The following FAM168B variants were observed in gnomAD, a reference collection of about 807,000 sequenced individuals.
The protein encoded by FAM168B is myelin-associated neurite-outgrowth inhibitor.
A neutral mutation model predicts 21.8 loss-of-function variants in FAM168B; 19 were observed. The ratio of observed to expected loss-of-function variants is 0.87; its 90% CI spans 0.61 to 1.28. The LOEUF (loss-of-function observed/expected upper bound fraction) is 1.28. Among genes scored for constraint, FAM168B ranks in the 50% most tolerant of loss-of-function variants. FAM168B has a pLI of 0.00. For synonymous variants in FAM168B, 126 were observed against 104.8 expected, an observed-to-expected ratio of 1.20 and a Z score of -1.24; for missense variants, 233 against 263.1, an observed-to-expected ratio of 0.89 and a Z score of 0.79.
chr2:131,088,666 A>G (rs1283170016), intron 1 of FAM168B, among the ~76,000 whole-genome samples: 1 of 152,216 alleles, frequency 6.6e-6, no homozygotes, highest in East Asian at 1.9e-4. Context: ...AAGTATATAA[A>G]GTCGAAAATG....
At chr2:131,090,603 T>C (rs759063928) in intron 1 of FAM168B, among the ~76,000 whole-genome samples, 12 of 152,002 alleles carry the variant, frequency 7.9e-5, no homozygotes, top group African/African-American at 2.7e-4. Context: ...TGGTGGCAAG[T>C]GCCTGTAACA....
At chr2:131,054,689 A>G (rs1471072091) in intron 5 of FAM168B, among the ~76,000 whole-genome samples, 2 of 152,154 alleles carry the variant, frequency 1.3e-5, no homozygotes, top group Admixed American at 1.3e-4. Flanking sequence ...CCCAATCCCT[A>G]GACATCAGAT....
chr2:131,056,428 G>A (rs557061242), intron 3 of FAM168B, among the ~76,000 whole-genome samples: 21 of 152,306 alleles, frequency 1.4e-4, no homozygotes, highest in African/African-American at 3.8e-4. Flanking sequence ...AGCCAGCAGC[G>A]AGGAGCAGCT....
chr2:131,053,607 G>A (rs182861796), intron 5 of FAM168B, among the ~76,000 whole-genome samples: 10 of 152,274 alleles, frequency 6.6e-5, no homozygotes, highest in Admixed American at 5.9e-4. Flanking sequence ...CTGGGCACAG[G>A]GGCTCATGTC....
chr2:131,090,684 A>G (rs1159938593), intron 1 of FAM168B, among the ~76,000 whole-genome samples: 1 of 152,148 alleles, frequency 6.6e-6, no homozygotes, highest in East Asian at 1.9e-4. Context: ...TGGGCGATAT[A>G]GTGAGACTCC....
At chr2:131,061,692 G>C (rs1386572977) in intron 3 of FAM168B, among the ~76,000 whole-genome samples, 9 of 151,964 alleles carry the variant, frequency 5.9e-5, no homozygotes, top group African/African-American at 1.2e-4. Flanking sequence ...TGAGGTGGGA[G>C]AATCAGCTGA....
chr2:131,067,985 G>GCTGTAA (rs911190038), intron 3 of FAM168B, among the ~76,000 whole-genome samples: 5 of 152,028 alleles, frequency 3.3e-5, no homozygotes, highest in Non-Finnish European at 7.4e-5. Flanking sequence ...GCAGAAAAAG[G>GCTGTAA]CTGTAACTGT....
chr2:131,064,098 A>G (rs1356863177), intron 3 of FAM168B, among the ~76,000 whole-genome samples: 2 of 152,148 alleles, frequency 1.3e-5, no homozygotes, highest in Non-Finnish European at 2.9e-5. Context: ...GGCGCAGACA[A>G]CAGACGCTCC....
intron 5 of FAM168B, among the ~76,000 whole-genome samples, 181 bp from the exon 6 acceptor site, chr2:131,053,196 C>T (rs966664722): frequency 6.6e-6 from 1 of 152,232 alleles, no homozygotes; most frequent in Non-Finnish European, 1.5e-5. Flanking sequence ...GTTGTCTCCA[C>T]ACAGCAAGCT....
chr2:131,090,250 C>A (rs945442089), intron 1 of FAM168B, among the ~76,000 whole-genome samples: 1 of 148,168 alleles, frequency 6.7e-6, no homozygotes, highest in South Asian at 2.1e-4. Flanking sequence ...ACCCAGGAGG[C>A]TGAGCTTGCA....
rs1389653579 is a variant in FAM168B, at chr2:131,055,349, G to T, written c.398C>A (p.Pro133His). The change falls in exon 5 of 7, where the codon CCT becomes CAT. Residue 133 changes from proline to histidine, a missense_variant. Coordinates refer to ENST00000389915, the MANE Select transcript of FAM168B (RefSeq NM_001009993.4). ...GCCTCTAGGAGGGGGGATGGGAGCAGGGTACACCGTTGCAGGCATGCCGTT... is the reference window on the plus strand; with the variant it reads ...GCCTCTAGGAGGGGGGATGGGAGCATGGTACACCGTTGCAGGCATGCCGTT... ...QPNGMPATVY[P>H]APIPPPRGNG... The T allele has an allele frequency of 1.3e-6, 2 of 1,595,072 alleles. No homozygotes were observed. Among genetic ancestry groups the T allele is most frequent in the Non-Finnish European group, 1.7e-6 (2 of 1,174,874 alleles).
intron 5 of FAM168B, among the ~76,000 whole-genome samples, chr2:131,053,749 C>G (rs1001187011): frequency 6.6e-6 from 1 of 152,018 alleles, no homozygotes; most frequent in Non-Finnish European, 1.5e-5. Flanking sequence ...TGGTAGCATA[C>G]TTATAGTCCC....
rs538364411 is a variant in FAM168B at position 131,051,674 on chromosome 2, C to T, written c.*791G>A. On this transcript the variant is annotated 3_prime_UTR_variant, in exon 7 of 7. Coordinates refer to ENST00000389915, the MANE Select transcript of FAM168B (RefSeq NM_001009993.4). ...AGAACTGTAATGAAAATTTAGATAG[C>T]AGAGAAACTGCTTTGCTGACACATA... 9.1e-6 allele frequency: 9 copies of T among 985,198 alleles called. No individual in the cohort carries two copies. The highest frequency in any genetic ancestry group is 1.7e-5 in the African/African-American group (1 of 57,284). 61.0% of individuals were successfully genotyped at this position (985,198 alleles called of 1,614,324 possible).
chr2:131,067,074 C>A (rs934906967), intron 3 of FAM168B, among the ~76,000 whole-genome samples: 8 of 152,046 alleles, frequency 5.3e-5, no homozygotes, highest in African/African-American at 1.9e-4. Flanking sequence ...AAAAATCCAC[C>A]CCCATGATTC....
intron 3 of FAM168B, among the ~76,000 whole-genome samples, chr2:131,068,954 T>C (rs1692714133): frequency 6.6e-6 from 1 of 152,164 alleles, no homozygotes; most frequent in African/African-American, 2.4e-5. Context: ...AAGTCGAGGC[T>C]GCAGTGAGGC....
chr2:131,092,295 C>T (rs1026116358), intron 1 of FAM168B, among the ~76,000 whole-genome samples: 1 of 152,242 alleles, frequency 6.6e-6, no homozygotes, highest in Admixed American at 6.5e-5. Flanking sequence ...TTCTGCAACA[C>T]TAGCTTCAAA....
chr2:131,055,956 C>T (rs1211892574), intron 3 of FAM168B, among the ~76,000 whole-genome samples: 1 of 152,212 alleles, frequency 6.6e-6, no homozygotes, highest in Non-Finnish European at 1.5e-5. Flanking sequence ...ATGGAATGCT[C>T]ACACAAGGAC....
intron 2 of FAM168B, among the ~76,000 whole-genome samples, chr2:131,072,802 T>C (rs898760786): frequency 6.6e-5 from 10 of 152,138 alleles, no homozygotes; most frequent in African/African-American, 2.2e-4. Context: ...TCTAATCACA[T>C]AATTACTTAG....
chr2:131,072,865 T>C (rs1442016272), intron 2 of FAM168B, among the ~76,000 whole-genome samples: 2 of 152,198 alleles, frequency 1.3e-5, no homozygotes, highest in East Asian at 3.9e-4. Context: ...GTTACCCTCA[T>C]CTGACTTCAC....
Sources: allele counts gnomAD v4.1 joint callset (sites outside exome capture counted in the v4.1 genomes callset), GRCh38; gene constraint gnomAD v4.1.1; transcripts MANE v1.5; gene names NCBI Gene and HGNC (gene_info 2026-07-23, HGNC 2026-07-21).